SLC25A43: variants seen among roughly 807,000 people sequenced by gnomAD.
The protein encoded by SLC25A43 is solute carrier family 25, member 43.
In SLC25A43, 10 loss-of-function variants were observed where a neutral mutation model predicts 22.8. The ratio of observed to expected loss-of-function variants is 0.44; its 90% confidence interval spans 0.27 to 0.74. The LOEUF (loss-of-function observed/expected upper bound fraction) is 0.74, where lower values mean the gene tolerates loss of function less well. Among genes scored for constraint, SLC25A43 ranks in the 30% least tolerant of loss-of-function variants. SLC25A43 has a pLI of 0.17. For missense variants in SLC25A43, 233 were observed against 279.1 expected, an observed-to-expected ratio of 0.83 and a Z score of 1.18; for synonymous variants, 106 against 121.6, an observed-to-expected ratio of 0.87 and a Z score of 0.84.
At chrX:119,445,402 G>A (rs2052659168) in intron 3 of SLC25A43, among the ~76,000 whole-genome samples, 1 of 112,180 alleles carries the variant, frequency 8.9e-6, no homozygotes, top group South Asian at 3.7e-4. Context: ...TATAGTTGGG[G>A]GTCATGAGAA....
At chrX:119,430,101 G>A in intron 3 of SLC25A43, among the ~76,000 whole-genome samples, 1 of 112,002 alleles carries the variant, frequency 8.9e-6, no homozygotes, top group Non-Finnish European at 1.9e-5. Flanking sequence ...ATAGTTGCCT[G>A]GGTTTGTGTA....
At chrX:119,425,021 G>C (rs1384939414) in intron 3 of SLC25A43, among the ~76,000 whole-genome samples, 1 of 110,402 alleles carries the variant, frequency 9.1e-6, no homozygotes, top group Non-Finnish European at 1.9e-5. Context: ...AGCATAACGA[G>C]CCTGGCTTTG....
intron 3 of SLC25A43, among the ~76,000 whole-genome samples, chrX:119,420,232 C>G (rs751902499): frequency 1.8e-5 from 2 of 110,784 alleles, no homozygotes; most frequent in South Asian, 7.8e-4. Context: ...CCTCTCCAGC[C>G]CAGCCCATAT....
intron 3 of SLC25A43, among the ~76,000 whole-genome samples, chrX:119,426,696 G>A (rs756251994): frequency 4.6e-5 from 5 of 109,875 alleles, no homozygotes; most frequent in South Asian, 8.0e-4. Context: ...GGTGGCGCGC[G>A]CCCGTAGTCC....
intron 3 of SLC25A43, among the ~76,000 whole-genome samples, chrX:119,448,151 C>T (rs1459911060): frequency 9.0e-6 from 1 of 111,422 alleles, no homozygotes; most frequent in Non-Finnish European, 1.9e-5. Context: ...TCATCCAGTC[C>T]ATCAGCCAAT....
chrX:119,418,609 A>C (rs2052426882), intron 3 of SLC25A43, among the ~76,000 whole-genome samples: 2 of 112,625 alleles, frequency 1.8e-5, no homozygotes, highest in Non-Finnish European at 3.8e-5. Context: ...AGTCTTGTTT[A>C]ACCAGCTGAG....
chrX:119,435,474 TTTTTTTTA>T (rs757757944), intron 3 of SLC25A43, among the ~76,000 whole-genome samples: 27,598 of 76,552 alleles, frequency 0.36, 3,910 homozygotes, highest in East Asian at 0.43. Flanking sequence ...TTTTTTTTTT[TTTTTTTTA>T]TTATACTCTA....
intron 3 of SLC25A43, among the ~76,000 whole-genome samples, chrX:119,429,418 G>C (rs910335757): frequency 3.6e-5 from 4 of 112,081 alleles, no homozygotes. Context: ...CAACCAAAAC[G>C]TTGCCTCTGT....
In SLC25A43 at chrX:119,399,824, G is replaced by A. The variant is rs781307336; in HGVS notation, c.275+146G>A. ...CGATCACCTGGGGACCCCTCGGGGC[G>A]GTGGGCCACCTCTATGGCCCCCAGA... On this transcript the variant is annotated intron_variant, in intron 1 of 4. Coordinates refer to ENST00000217909, the MANE Select transcript of SLC25A43 (RefSeq NM_145305.3). The A allele has an allele frequency of 8.9e-5, 54 of 607,049 alleles. 1 individual carries two copies. The highest frequency in any genetic ancestry group is 6.2e-4 in the Middle Eastern group (1 of 1,604). The allele number at this position is 607,049 out of a possible 1,213,427, so 50.0% of individuals were successfully genotyped here. A position where few individuals can be genotyped will look rare whatever the true frequency, so the allele number is the denominator to read the frequency against.
chrX:119,399,916 G>A (rs1211333210), intron 1 of SLC25A43, among the ~76,000 whole-genome samples: 1 of 112,683 alleles, frequency 8.9e-6, no homozygotes, highest in African/African-American at 3.2e-5. Flanking sequence ...TTTGTGGTCC[G>A]CAGCCCTGGT....
intron 3 of SLC25A43, among the ~76,000 whole-genome samples, chrX:119,411,279 T>A (rs1328973751): frequency 5.4e-5 from 6 of 111,380 alleles, no homozygotes; most frequent in Non-Finnish European, 1.1e-4. Flanking sequence ...GGTGGGCGGA[T>A]CCCCTGAGGT....
chrX:119,432,572 T>G (rs1276262981), intron 3 of SLC25A43, among the ~76,000 whole-genome samples: 2 of 109,384 alleles, frequency 1.8e-5, no homozygotes, highest in Non-Finnish European at 3.8e-5. Context: ...GCAGATCACT[T>G]GAGGCCAGGA....
intron 3 of SLC25A43, among the ~76,000 whole-genome samples, chrX:119,447,748 C>T (rs1236878390): frequency 1.8e-5 from 2 of 111,221 alleles, no homozygotes; most frequent in African/African-American, 6.5e-5. Flanking sequence ...CTGGACACCA[C>T]ACTTTCCTTT....
intron 3 of SLC25A43, among the ~76,000 whole-genome samples, chrX:119,425,490 C>T (rs1175093920): frequency 2.7e-5 from 1 of 36,874 alleles, no homozygotes; most frequent in African/African-American, 2.9e-4. Flanking sequence ...AGGTTCTAAG[C>T]CTTCAGGGTA....
rs2052298150 is a variant in SLC25A43 at position 119,406,546 on chromosome X, C to T, written c.362C>T (p.Thr121Ile). ...MAGSLAGMVS[T>I]IVTYPTDLIK... ...GGGAGTCTCGCAGGCATGGTTTCCA[C>T]CATTGTAACATATCCTACAGACCTC... The change falls in exon 2 of 5, where the codon ACC becomes ATC. Residue 121 changes from threonine (T) to isoleucine (I), a missense_variant. Transcript: ENST00000217909. 6 of 1,209,719 alleles carry T rather than the reference C, an allele frequency of 5.0e-6. No individual in the cohort carries two copies. Among genetic ancestry groups the T allele is most frequent in the Non-Finnish European group, 6.7e-6 (6 of 895,197 alleles).
At chrX:119,403,248 C>G (rs1471613022) in intron 1 of SLC25A43, among the ~76,000 whole-genome samples, 2 of 110,429 alleles carry the variant, frequency 1.8e-5, no homozygotes, top group African/African-American at 3.3e-5. Flanking sequence ...ACTCCACCTT[C>G]TAGGTGGTTC....
chrX:119,444,265 C>CA (rs2052646737), intron 3 of SLC25A43, among the ~76,000 whole-genome samples: 1 of 111,608 alleles, frequency 9.0e-6, no homozygotes, highest in Non-Finnish European at 1.9e-5. Context: ...CCAAAAGAAG[C>CA]TGCTTTTAAA....
intron 3 of SLC25A43, among the ~76,000 whole-genome samples, chrX:119,415,219 G>A (rs2052389518): frequency 9.1e-6 from 1 of 109,528 alleles, no homozygotes; most frequent in African/African-American, 3.3e-5. Flanking sequence ...CGCCGTGCCT[G>A]GCCATCATAC....
intron 3 of SLC25A43, chrX:119,426,267 T>C: frequency 1.3e-6 from 1 of 753,844 alleles, no homozygotes; most frequent in Non-Finnish European, 1.6e-6. Context: ...GTGTGAGCTT[T>C]GGATCCCAGC....
Sources: gnomAD v4.1 joint callset for allele counts (sites outside exome capture counted in the v4.1 genomes callset) on GRCh38, gnomAD v4.1.1 for gene constraint, MANE v1.5 for transcripts, NCBI Gene and HGNC (gene_info 2026-07-23, HGNC 2026-07-21) for gene names.